GPRIN3: variants seen among roughly 807,000 people sequenced by gnomAD.
GPRIN3 encodes the protein G protein-regulated inducer of neurite outgrowth 3.
GPRIN3 carries 12 observed loss-of-function variants against 13.7 expected under a neutral mutation model. That is an observed-to-expected ratio of 0.87 (90% CI 0.56 to 1.42). The LOEUF (loss-of-function observed/expected upper bound fraction) is 1.42. Among genes scored for constraint, GPRIN3 ranks in the 40% most tolerant of loss-of-function variants. GPRIN3 has a pLI of 0.00. For synonymous variants in GPRIN3, 377 were observed against 372.7 expected (o/e 1.01, Z -0.13); for missense variants, 1,009 against 958.7 (o/e 1.05, Z -0.69).
chr4:89,282,122 C>T (rs1230788485), intron 1 of GPRIN3, among the ~76,000 whole-genome samples: 1 of 151,976 alleles, frequency 6.6e-6, no homozygotes, highest in Non-Finnish European at 1.5e-5. Context: ...ATTTTTATTT[C>T]GTGTATAATG....
chr4:89,279,515 C>T (rs1326437318), intron 1 of GPRIN3, among the ~76,000 whole-genome samples: 2 of 152,196 alleles, frequency 1.3e-5, no homozygotes, highest in Non-Finnish European at 2.9e-5. Flanking sequence ...TCTACAATCC[C>T]CACACTCCCC....
At chr4:89,305,227 C>T (rs1451413136) in intron 1 of GPRIN3, among the ~76,000 whole-genome samples, 3 of 152,052 alleles carry the variant, frequency 2.0e-5, no homozygotes, top group Non-Finnish European at 4.4e-5. Flanking sequence ...TTTTGGTCCC[C>T]GTGCCAGGAA....
rs1393800619 is a variant in GPRIN3 at position 89,243,882 on chromosome 4, C to CTAGGAGTAG, written c.*3889_*3897dup. On this transcript the variant is annotated 3_prime_UTR_variant, in exon 2 of 2. Coordinates refer to ENST00000609438, the MANE Select transcript of GPRIN3 (RefSeq NM_198281.3). ...AAGGGATGTGGTTAATTATGTGTTA[C>CTAGGAGTAG]TAGGAGTAGACAAAATTTTAAACAC... is the stretch of plus-strand genomic sequence containing the variant. The CTAGGAGTAG allele has an allele frequency of 1.3e-5, 2 of 152,088 alleles. No homozygotes were observed. Among genetic ancestry groups the CTAGGAGTAG allele is most frequent in the Non-Finnish European group, 2.9e-5 (2 of 68,026 alleles). 9.4% of individuals were successfully genotyped at this position (152,088 alleles called of 1,614,324 possible). A position where few individuals can be genotyped will look rare whatever the true frequency, so the allele number is the denominator to read the frequency against.
In GPRIN3 at chr4:89,300,015, C is replaced by T. The variant is rs551831022; in HGVS notation, c.-124+7600G>A. Among the ~76,000 whole-genome samples, 17 of 152,012 alleles carry T rather than the reference C, an allele frequency of 1.1e-4. 1 individual carries two copies. The highest frequency in any genetic ancestry group is 2.6e-4 in the Admixed American group (4 of 15,278). On this transcript the variant is annotated intron_variant, in intron 1 of 1. Transcript: ENST00000609438. ...TCGTACAGTAAAAAGCAAGCAAGTA[C>T]ACAGATGAAAAACTCCGTTATTCTT...
chr4:89,285,828 A>T (rs988540825), intron 1 of GPRIN3, among the ~76,000 whole-genome samples: 25 of 152,176 alleles, frequency 1.6e-4, no homozygotes, highest in Non-Finnish European at 2.9e-5. Context: ...ATTACTATGG[A>T]TAAGTAGCTT....
intron 1 of GPRIN3, among the ~76,000 whole-genome samples, chr4:89,289,642 G>A (rs1724518479): frequency 6.6e-6 from 1 of 152,146 alleles, no homozygotes; most frequent in Non-Finnish European, 1.5e-5. Flanking sequence ...CAGTGTAGAA[G>A]CAAAGTGGGG....
chr4:89,256,818 T>C (rs1723477456), intron 1 of GPRIN3, among the ~76,000 whole-genome samples: 1 of 152,174 alleles, frequency 6.6e-6, no homozygotes, highest in Non-Finnish European at 1.5e-5. Context: ...AAGTAAGAGA[T>C]TACTAATCCT....
At chr4:89,266,002 C>T (rs60224904) in intron 1 of GPRIN3, among the ~76,000 whole-genome samples, 8,870 of 152,160 alleles carry the variant, frequency 0.058, 792 homozygotes, top group African/African-American at 0.19. Context: ...CAAAGCGCTA[C>T]ATTTTTGTGT....
In GPRIN3 at chr4:89,249,382, T is replaced by A; in HGVS notation, c.729A>T (p.Gly243=). The part of the protein sequence containing the change: ...RSCKPLTRES[G]CSENKQPSVT... ...CAGAGGGCTGCTTGTTCTCTGAACA[T>A]CCAGATTCTCTAGTTAGAGGTTTAC... The change falls in exon 2 of 2, where the codon GGA becomes GGT. Residue 243 remains glycine, a synonymous_variant. Transcript: ENST00000609438. The A allele has an allele frequency of 6.2e-7, 1 of 1,614,120 alleles. No individual in the cohort carries two copies.
chr4:89,256,391 C>T (rs1218130898), intron 1 of GPRIN3, among the ~76,000 whole-genome samples: 1 of 152,128 alleles, frequency 6.6e-6, no homozygotes, highest in Non-Finnish European at 1.5e-5. Context: ...CTGTCACTGA[C>T]CATTCTGAAA....
In GPRIN3 at chr4:89,246,425, G is replaced by A. The variant is rs982106055; in HGVS notation, c.*1355C>T. The A allele has an allele frequency of 1.3e-5, 2 of 152,070 alleles. No individual in the cohort carries two copies. The highest frequency in any genetic ancestry group is 4.8e-5 in the African/African-American group (2 of 41,368). The allele number at this position is 152,070 out of a possible 1,614,324, so 9.4% of individuals were successfully genotyped here. A position where few individuals can be genotyped will look rare whatever the true frequency, so the allele number is the denominator to read the frequency against. ...TTCTCAAGGCGATGCTGCTCATCCA[G>A]GCCAGTGCCTTGGAGGATACTCATG... On this transcript the variant is annotated 3_prime_UTR_variant, in exon 2 of 2. Transcript: ENST00000609438.
intron 1 of GPRIN3, among the ~76,000 whole-genome samples, chr4:89,296,810 C>A (rs916228191): frequency 1.1e-4 from 16 of 152,214 alleles, no homozygotes; most frequent in African/African-American, 3.9e-4. Flanking sequence ...AATGTTATCA[C>A]CTATGCAATG....
chr4:89,295,283 T>C (rs2110019516), intron 1 of GPRIN3, among the ~76,000 whole-genome samples: 1 of 152,350 alleles, frequency 6.6e-6, no homozygotes, highest in Non-Finnish European at 1.5e-5. Context: ...ATTTTATCAA[T>C]GAAGGGGTCT....
At chr4:89,278,986 T>G (rs895752786) in intron 1 of GPRIN3, among the ~76,000 whole-genome samples, 1 of 152,098 alleles carries the variant, frequency 6.6e-6, no homozygotes, top group African/African-American at 2.4e-5. Flanking sequence ...ATTTAAAGCC[T>G]CCAGATACAA....
At chr4:89,301,067 A>C (rs1724883106) in intron 1 of GPRIN3, among the ~76,000 whole-genome samples, 1 of 152,234 alleles carries the variant, frequency 6.6e-6, no homozygotes, top group African/African-American at 2.4e-5. Flanking sequence ...AATAAATTAG[A>C]AACAGGTCTT....
At chr4:89,263,706 C>A (rs570929424) in intron 1 of GPRIN3, among the ~76,000 whole-genome samples, 1 of 152,224 alleles carries the variant, frequency 6.6e-6, no homozygotes, top group South Asian at 2.1e-4. Context: ...TTGTCAGATT[C>A]TGTGTGTTAT....
chr4:89,295,511 C>T (rs888103564), intron 1 of GPRIN3, among the ~76,000 whole-genome samples: 2 of 151,966 alleles, frequency 1.3e-5, no homozygotes, highest in African/African-American at 4.8e-5. Flanking sequence ...TGACTACATG[C>T]GTAAATGAAT....
intron 1 of GPRIN3, among the ~76,000 whole-genome samples, chr4:89,270,968 T>G (rs2149271490): frequency 6.6e-6 from 1 of 152,210 alleles, no homozygotes; most frequent in Non-Finnish European, 1.5e-5. Flanking sequence ...ATAGGTACCG[T>G]GGTCAGGCTG....
intron 1 of GPRIN3, among the ~76,000 whole-genome samples, chr4:89,287,563 C>A (rs1270001415): frequency 1.3e-5 from 2 of 152,090 alleles, no homozygotes; most frequent in Non-Finnish European, 2.9e-5. Flanking sequence ...TACACTGTTA[C>A]CTGGAACTTG....
Sources: allele counts gnomAD v4.1 joint callset (sites outside exome capture counted in the v4.1 genomes callset), GRCh38; gene constraint gnomAD v4.1.1; transcripts MANE v1.5; gene names NCBI Gene and HGNC (gene_info 2026-07-23, HGNC 2026-07-21).